Variants in PVR observed in about 807,000 individuals in gnomAD.
PVR encodes PVR cell adhesion molecule.
In PVR, 39 loss-of-function variants were observed where a neutral mutation model predicts 43.3. The ratio of observed to expected loss-of-function variants is 0.90; its 90% CI spans 0.70 to 1.18. The LOEUF is 1.18. PVR is among the 50% of genes most tolerant of loss of function. The pLI is 0.00. For synonymous variants in PVR, 224 were observed against 233.2 expected (o/e 0.96, Z 0.36); for missense variants, 480 against 549.7 (o/e 0.87, Z 1.27).
rs146602039 is a variant in PVR at position 44,661,745 on chromosome 19, C to A, written c.1188C>A (p.Val396=). 1 of 1,613,996 alleles carries A rather than the reference C, an allele frequency of 6.2e-7. No individual in the cohort carries two copies. The highest frequency in any genetic ancestry group is 2.2e-5 in the East Asian group (1 of 44,888). The change falls in exon 8 of 8, where the codon GTC becomes GTA. Residue 396 remains valine, a synonymous_variant. Coordinates refer to ENST00000425690, the MANE Select transcript of PVR (RefSeq NM_006505.5). ...ATTTGAAAACCCTCTTCTAGCATGTCTCCTATTCAGCTGTGAGCAGAGAGA... is the reference window on the plus strand; with the variant it reads ...ATTTGAAAACCCTCTTCTAGCATGTATCCTATTCAGCTGTGAGCAGAGAGA... The part of the protein sequence containing the change: ...EHASASANGH[V]SYSAVSRENS...
At chr19:44,649,030 G>T (rs1241673847) in intron 2 of PVR, among the ~76,000 whole-genome samples, 1 of 152,144 alleles carries the variant, frequency 6.6e-6, no homozygotes, top group Non-Finnish European at 1.5e-5. Flanking sequence ...GTGTGACCAT[G>T]GGCAAGTCAC....
intron 3 of PVR, among the ~76,000 whole-genome samples, chr19:44,651,438 A>G (rs992310575): frequency 3.9e-5 from 6 of 151,940 alleles, no homozygotes; most frequent in Non-Finnish European, 5.9e-5. Context: ...CACCTCCCAC[A>G]TTGTATCGAC....
At chr19:44,656,604 A>T (rs1198675377) in intron 4 of PVR, among the ~76,000 whole-genome samples, 1 of 152,224 alleles carries the variant, frequency 6.6e-6, no homozygotes, top group East Asian at 1.9e-4. Flanking sequence ...TAGTGGTGAA[A>T]GAAACAAGAA....
intron 2 of PVR, among the ~76,000 whole-genome samples, chr19:44,648,145 G>C (rs1054672371): frequency 6.6e-6 from 1 of 152,118 alleles, no homozygotes; most frequent in African/African-American, 2.4e-5. Context: ...TATTCTAATT[G>C]CCTGTGATTC....
intron 4 of PVR, among the ~76,000 whole-genome samples, chr19:44,656,046 T>A (rs1003552041): frequency 2.1e-4 from 32 of 151,854 alleles, no homozygotes; most frequent in Admixed American, 1.8e-3. Flanking sequence ...ACCTGGCCCC[T>A]TTTTTAGTGT....
intron 1 of PVR, among the ~76,000 whole-genome samples, chr19:44,645,752 G>A (rs1973099065): frequency 6.6e-6 from 1 of 151,694 alleles, no homozygotes; most frequent in Non-Finnish European, 1.5e-5. Context: ...CTTGAGCTTA[G>A]GAATTCAAAA....
intron 6 of PVR, among the ~76,000 whole-genome samples, chr19:44,660,497 A>G (rs1973564860): frequency 6.6e-6 from 1 of 152,170 alleles, no homozygotes; most frequent in Non-Finnish European, 1.5e-5. Flanking sequence ...CATAAACTGC[A>G]CAAGAGCAGG....
At position 44,650,081 on chromosome 19, in the gene PVR, C is replaced by T; in HGVS notation, c.700C>T (p.Leu234=). The T allele has an allele frequency of 6.5e-7, 1 of 1,541,854 alleles. No homozygotes were observed. The highest frequency in any genetic ancestry group is 8.7e-7 in the Non-Finnish European group (1 of 1,143,402). The change falls in exon 3 of 8, where the codon CTG becomes TTG. Residue 234 remains leucine (L), a synonymous_variant. Transcript: ENST00000425690. The stretch of plus-strand genomic sequence containing the variant: ...CGAGAGCTTTGAGAAGCCTCAGCTG[C>T]TGACTGTGAACCTCACCGTGTACTG... The part of the protein sequence containing the change: ...EHESFEKPQL[L]TVNLTVYYPP...
rs1261406779 is a variant in PVR at position 44,657,868 on chromosome 19, G to A, written c.949G>A (p.Ala317Thr). Residue 317 changes from alanine to threonine, a missense_variant, in exon 5 of 8, where the codon GCC (alanine) becomes ACC (threonine). By Grantham distance (58) the Ala-to-Thr change is moderately conservative (BLOSUM62 0). Transcript: ENST00000425690. ...AACTTTAATCTGCAACGTCACCAAT[G>A]CCCTAGGAGCTCGCCAGGCAGAACT... ...NTTLICNVTN[A>T]LGARQAELTV... The A allele has an allele frequency of 2.5e-6, 4 of 1,613,840 alleles. No homozygotes were observed. The African/African-American group carries it at 4.0e-5, about 16-fold the overall frequency.
chr19:44,655,381 G>A (rs566802410), intron 4 of PVR, among the ~76,000 whole-genome samples: 5 of 152,112 alleles, frequency 3.3e-5, no homozygotes, highest in African/African-American at 9.7e-5. Context: ...GAGCCACCTC[G>A]CCCAGCCTTA....
chr19:44,664,812 G>A lies in PVR; in HGVS notation c.*3001G>A, dbSNP rs867756230. The A allele has an allele frequency of 6.6e-6, 1 of 151,768 alleles. No individual in the cohort carries two copies. Among genetic ancestry groups the A allele is most frequent in the Non-Finnish European group, 1.5e-5 (1 of 67,978 alleles). The allele number at this position is 151,768 out of a possible 1,614,324, so 9.4% of individuals were successfully genotyped here. On this transcript the variant is annotated 3_prime_UTR_variant, in exon 8 of 8. Coordinates refer to ENST00000425690, the MANE Select transcript of PVR (RefSeq NM_006505.5). Reference sequence around the variant, plus strand: ...AATCCTCCCGCCTTGGCCTCCTAAAGTACTGGGATTTATAGGCATAAGCCA... The same window carrying A: ...AATCCTCCCGCCTTGGCCTCCTAAAATACTGGGATTTATAGGCATAAGCCA...
chr19:44,652,618 G>A (rs1192212747), intron 3 of PVR, among the ~76,000 whole-genome samples: 1 of 151,790 alleles, frequency 6.6e-6, no homozygotes, highest in African/African-American at 2.4e-5. Context: ...TCCTGACCTC[G>A]TGATCCACCC....
At position 44,653,923 on chromosome 19, in the gene PVR, G is replaced by A; in HGVS notation, c.748G>A (p.Gly250Ser). ...AGACCCCCCAGAGGTATCCATCTCT[G>A]GCTATGATAACAACTGGTACCTTGG... ...VYYPPEVSIS[G>S]YDNNWYLGQN... Residue 250 changes from glycine to serine, a missense_variant, in exon 4 of 8, where the codon GGC becomes AGC. Physicochemically the swap from Gly to Ser is moderately conservative, Grantham distance 56. Transcript: ENST00000425690. 2 of 1,613,956 alleles carry A rather than the reference G, an allele frequency of 1.2e-6. No individual in the cohort carries two copies. Among genetic ancestry groups the A allele is most frequent in the Non-Finnish European group, 1.7e-6 (2 of 1,179,778 alleles).
In PVR at chr19:44,664,592, T is replaced by C. The variant is rs1973664480; in HGVS notation, c.*2781T>C. On this transcript the variant is annotated 3_prime_UTR_variant, in exon 8 of 8. Coordinates refer to ENST00000425690, the MANE Select transcript of PVR (RefSeq NM_006505.5). ...TGTTCTACACCCACCTCATATTCCA[T>C]GGGAGGGCTGTACAGGGCTTTTTTA... The C allele has an allele frequency of 6.6e-6, 1 of 152,098 alleles. No individual in the cohort carries two copies. The highest frequency in any genetic ancestry group is 1.5e-5 in the Non-Finnish European group (1 of 68,004). The allele number at this position is 152,098 out of a possible 1,614,324, so 9.4% of individuals were successfully genotyped here. A position where few individuals can be genotyped will look rare whatever the true frequency, so the allele number is the denominator to read the frequency against.
chr19:44,661,579 T>C (rs1412239580), intron 7 of PVR, among the ~76,000 whole-genome samples, 161 bp from the exon 8 acceptor site: 1 of 152,078 alleles, frequency 6.6e-6, no homozygotes, highest in Non-Finnish European at 1.5e-5. Flanking sequence ...CCCACGCCCC[T>C]TCAATTCCAC....
intron 6 of PVR, 78 bp downstream of exon 6, chr19:44,658,978 G>C (rs1458880243): frequency 7.1e-7 from 1 of 1,404,938 alleles, no homozygotes; most frequent in Non-Finnish European, 9.9e-7. Context: ...GCCTCTCACT[G>C]AATCCTCACC....
intron 3 of PVR, among the ~76,000 whole-genome samples, chr19:44,650,863 C>CT (rs1973263467): frequency 6.6e-6 from 1 of 151,924 alleles, no homozygotes; most frequent in African/African-American, 2.4e-5. Context: ...CTGTGCCCGG[C>CT]TTTTTGTTTT....
At chr19:44,647,689 C>A (rs1438564198) in intron 2 of PVR, 119 bp downstream of exon 2, 5 of 530,760 alleles carry the variant, frequency 9.4e-6, no homozygotes, top group African/African-American at 2.5e-5. Flanking sequence ...CAGCAGATCC[C>A]CTGGGGACAA....
chr19:44,662,080 C>T lies in PVR; in HGVS notation c.*269C>T. The T allele has an allele frequency of 2.1e-6, 1 of 485,518 alleles. No homozygotes were observed. The highest frequency in any genetic ancestry group is 3.2e-5 in the Admixed American group (1 of 31,380). The allele number at this position is 485,518 out of a possible 1,614,324, so 30.1% of individuals were successfully genotyped here. On this transcript the variant is annotated 3_prime_UTR_variant, in exon 8 of 8. Coordinates refer to ENST00000425690, the MANE Select transcript of PVR (RefSeq NM_006505.5). ...GTAAAAGGACAGAGATTAAGATCAGCAAAGGGAGGAGGTGCACAGCACACG... is the reference window on the plus strand; with the variant it reads ...GTAAAAGGACAGAGATTAAGATCAGTAAAGGGAGGAGGTGCACAGCACACG...
Sources: gnomAD v4.1 joint callset for allele counts (sites outside exome capture counted in the v4.1 genomes callset) on GRCh38, gnomAD v4.1.1 for gene constraint, MANE v1.5 for transcripts, NCBI Gene and HGNC (gene_info 2026-07-23, HGNC 2026-07-21) for gene names.